The following EBF3 variants were observed in gnomAD, a reference collection of about 807,000 sequenced individuals.
EBF3 encodes the protein EBF transcription factor 3, also known as transcription factor COE3.
In EBF3, 18 loss-of-function variants were observed where a neutral mutation model predicts 77.1. The ratio of observed to expected loss-of-function variants is 0.23; its 90% CI spans 0.16 to 0.35. EBF3 has a LOEUF of 0.35. Among genes scored for constraint, EBF3 ranks in the 10% least tolerant of loss-of-function variants. The probability of loss-of-function intolerance (pLI) is 1.00; values close to 1 mark genes in which losing one functional copy is unlikely to be tolerated. For missense variants in EBF3, 558 were observed against 860.0 expected (o/e 0.65, Z 4.39); for synonymous variants, 350 against 343.5 (o/e 1.02, Z -0.21).
intron 15 of EBF3, 134 bp downstream of exon 15, chr10:129,840,111 G>T: frequency 2.7e-6 from 3 of 1,125,936 alleles, no homozygotes; most frequent in East Asian, 2.6e-5. Flanking sequence ...GAGGTGGCAC[G>T]CATCAAGGTG....
Position 129,842,405 on chromosome 10 carries a change from C to G in EBF3, c.1195-112G>C. 1 of 1,249,164 alleles carries G rather than the reference C, an allele frequency of 8.0e-7. No individual in the cohort carries two copies. Among genetic ancestry groups the G allele is most frequent in the Non-Finnish European group, 1.1e-6 (1 of 918,828 alleles). 77.4% of individuals were successfully genotyped at this position (1,249,164 alleles called of 1,614,324 possible). On this transcript the variant is annotated intron_variant, in intron 12 of 16. Coordinates refer to ENST00000440978, the MANE Select transcript of EBF3 (RefSeq NM_001375380.1). The surrounding 1 kb of genome is among the most constrained non-coding windows in gnomAD (Gnocchi z 4.4). Reference sequence around the variant, plus strand: ...CCACTGTCCCTTGCCCAGACCATGACCAAATCTATTTCTTAATGGGCAAAG... The same window carrying G: ...CCACTGTCCCTTGCCCAGACCATGAGCAAATCTATTTCTTAATGGGCAAAG...
intron 6 of EBF3, among the ~76,000 whole-genome samples, chr10:129,916,245 C>T (rs1220173400): frequency 6.6e-6 from 1 of 152,216 alleles, no homozygotes; most frequent in African/African-American, 2.4e-5. Flanking sequence ...GGTGAGACCA[C>T]CAGGCCCAGG....
intron 6 of EBF3, among the ~76,000 whole-genome samples, chr10:129,924,433 A>AAC (rs1564893921): frequency 1.8e-3 from 258 of 146,068 alleles, no homozygotes; most frequent in African/African-American, 6.6e-3. Flanking sequence ...ACAACAACAA[A>AAC]AAAAAAAAAA....
At chr10:129,932,895 C>CTTTTT (rs35568967) in intron 6 of EBF3, among the ~76,000 whole-genome samples, 2 of 126,418 alleles carry the variant, frequency 1.6e-5, no homozygotes, top group Non-Finnish European at 3.2e-5. Flanking sequence ...CTTTTTTTTC[C>CTTTTT]TTTTTTTTTT....
chr10:129,940,627 T>G (rs1188886974), intron 6 of EBF3, among the ~76,000 whole-genome samples: 1 of 152,140 alleles, frequency 6.6e-6, no homozygotes, highest in Non-Finnish European at 1.5e-5. Flanking sequence ...TGAGCTGCTG[T>G]TATCTCTACT....
intron 6 of EBF3, among the ~76,000 whole-genome samples, chr10:129,900,437 G>A (rs976503472): frequency 5.9e-5 from 9 of 152,224 alleles, no homozygotes; most frequent in Admixed American, 6.5e-5. Context: ...AGGGGAGGAA[G>A]GACACAGAAG....
Position 129,863,554 on chromosome 10 carries a change from C to A in EBF3, c.1039+3587G>T, listed in dbSNP as rs886655274. On this transcript the variant is annotated intron_variant, in intron 10 of 16. Coordinates refer to ENST00000440978, the MANE Select transcript of EBF3 (RefSeq NM_001375380.1). The surrounding 1 kb of genome is among the most constrained non-coding windows in gnomAD (Gnocchi z 4.0). ...ACAGGTTCATTAGCCCTCCGCCTGG[C>A]GGCCCCAGCCGGCCTCACGTGGGGA... Among the ~76,000 whole-genome samples, 13 of 152,360 alleles carry A rather than the reference C, an allele frequency of 8.5e-5. No individual in the cohort carries two copies. The highest frequency in any genetic ancestry group is 3.1e-4 in the African/African-American group (13 of 41,594).
chr10:129,843,179 C>A lies in EBF3; in HGVS notation c.1152G>T (p.Ala384=), dbSNP rs560892486. 1 of 1,613,356 alleles carries A rather than the reference C, an allele frequency of 6.2e-7. No individual in the cohort carries two copies. Among genetic ancestry groups the A allele is most frequent in the Admixed American group, 1.7e-5 (1 of 59,912 alleles). The stretch of plus-strand genomic sequence containing the variant: ...TTCCGTATAAGGCTTCCACCAGGTC[C>A]GCCGCCCGCTTCAGTAACACCTCCT... The part of the protein sequence containing the change: ...LPKEVLLKRA[A]DLVEALYGMP... Residue 384 remains alanine, a synonymous_variant, in exon 12 of 17, where the codon GCG becomes GCT. Transcript: ENST00000440978.
At chr10:129,858,648 A>G (rs1851416453) in intron 10 of EBF3, among the ~76,000 whole-genome samples, 1 of 152,128 alleles carries the variant, frequency 6.6e-6, no homozygotes, top group Admixed American at 6.5e-5. Flanking sequence ...TCCTTTAGAG[A>G]AGACAAGGAG....
chr10:129,893,255 C>T (rs1367330179), intron 6 of EBF3, among the ~76,000 whole-genome samples: 1 of 152,318 alleles, frequency 6.6e-6, no homozygotes, highest in African/African-American at 2.4e-5. Context: ...CTCCACTTGA[C>T]AAGCCCCAGC....
At chr10:129,854,002 CTG>C (rs1253988048) in intron 10 of EBF3, among the ~76,000 whole-genome samples, 19 of 152,132 alleles carry the variant, frequency 1.2e-4, no homozygotes, top group Non-Finnish European at 2.8e-4. Context: ...TCAAAAATGA[CTG>C]TATAAAAAGT....
At chr10:129,859,082 G>A (rs1454890746) in intron 10 of EBF3, among the ~76,000 whole-genome samples, 1 of 152,206 alleles carries the variant, frequency 6.6e-6, no homozygotes, top group Non-Finnish European at 1.5e-5. Context: ...CCATGTGCTC[G>A]TGAAAAGCAT....
At chr10:129,949,051 C>T (rs1858459238) in intron 6 of EBF3, among the ~76,000 whole-genome samples, 1 of 152,232 alleles carries the variant, frequency 6.6e-6, no homozygotes, top group South Asian at 2.1e-4. Flanking sequence ...GTAATCCCAG[C>T]ACTTTGGGAG....
intron 6 of EBF3, among the ~76,000 whole-genome samples, chr10:129,933,070 C>CAGTG (rs768782044): frequency 5.9e-5 from 9 of 152,080 alleles, no homozygotes; most frequent in Non-Finnish European, 1.3e-4. Context: ...GTGCGGGCGG[C>CAGTG]AGTGACAGGT....
chr10:129,872,794 C>T (rs1192003305), intron 8 of EBF3, among the ~76,000 whole-genome samples: 3 of 152,184 alleles, frequency 2.0e-5, no homozygotes, highest in South Asian at 2.1e-4. Context: ...CTGAGGGGCT[C>T]GGCGCAAGGC....
At chr10:129,906,111 G>A (rs1010258962) in intron 6 of EBF3, among the ~76,000 whole-genome samples, 10 of 152,132 alleles carry the variant, frequency 6.6e-5, no homozygotes, top group South Asian at 2.1e-4. Flanking sequence ...TGTCAAGAGC[G>A]CTTTTGAGAA....
rs747191219 is a variant in EBF3 at position 129,947,335 on chromosome 10, T to C, written c.554+9923A>G. Among the ~76,000 whole-genome samples the C allele has an allele frequency of 1.3e-5, 2 of 152,206 alleles. No individual in the cohort carries two copies. The highest frequency in any genetic ancestry group is 4.8e-5 in the African/African-American group (2 of 41,436). ...TCTGTCTCGTATTAAATACCACATA[T>C]AACTCTCAGCAGGTTTTATGTTGTG... On this transcript the variant is annotated intron_variant, in intron 6 of 16. Transcript: ENST00000440978. This position sits in a 1 kb window ranked among gnomAD's most constrained non-coding sequence, Gnocchi z 4.5.
intron 6 of EBF3, among the ~76,000 whole-genome samples, chr10:129,896,087 T>C (rs1286804460): frequency 1.3e-5 from 2 of 152,018 alleles, no homozygotes; most frequent in African/African-American, 4.8e-5. Context: ...CGCATGCAAT[T>C]TCAAACTTGT....
chr10:129,868,591 A>T (rs1852193016), intron 8 of EBF3, among the ~76,000 whole-genome samples: 1 of 151,700 alleles, frequency 6.6e-6, no homozygotes, highest in Admixed American at 6.6e-5. Flanking sequence ...CCGGCCGCAG[A>T]GGCAGCCCTG....
Sources: gnomAD v4.1 joint callset for allele counts (sites outside exome capture counted in the v4.1 genomes callset) on GRCh38, gnomAD v4.1.1 for gene constraint, Gnocchi (gnomAD v3.1) non-coding constraint, MANE v1.5 for transcripts, NCBI Gene and HGNC (gene_info 2026-07-23, HGNC 2026-07-21) for gene names.